The following DPP10 variants were observed in gnomAD, a reference collection of about 807,000 sequenced individuals.
The protein encoded by DPP10 is dipeptidyl peptidase like 10.
A neutral mutation model predicts 120.9 loss-of-function variants in DPP10; 33 were observed. The observed-to-expected ratio is 0.27, with a 90% CI of 0.21 to 0.37. The LOEUF (loss-of-function observed/expected upper bound fraction) is 0.37. DPP10 is among the 10% of genes least tolerant of loss of function. The pLI is 1.00. For missense variants in DPP10, 816 were observed against 942.8 expected, an observed-to-expected ratio of 0.87 and a Z score of 1.76; for synonymous variants, 337 against 326.1, an observed-to-expected ratio of 1.03 and a Z score of -0.36.
chr2:115,640,596 A>G (rs954987039), intron 5 of DPP10, among the ~76,000 whole-genome samples: 3 of 152,140 alleles, frequency 2.0e-5, no homozygotes, highest in Non-Finnish European at 4.4e-5. Context: ...AAGTTATTTA[A>G]TGGTTTTATG....
At chr2:115,500,279 A>G (rs1291948338) in intron 4 of DPP10, among the ~76,000 whole-genome samples, 3 of 151,970 alleles carry the variant, frequency 2.0e-5, no homozygotes, top group Non-Finnish European at 4.4e-5. Context: ...CCCAACACCA[A>G]CGAAAAATAG....
intron 1 of DPP10, among the ~76,000 whole-genome samples, chr2:114,867,868 A>G (rs911670069): frequency 2.0e-5 from 3 of 152,240 alleles, no homozygotes; most frequent in African/African-American, 7.2e-5. Flanking sequence ...GAGTCTTCAC[A>G]TCTGACACTC....
At chr2:115,263,075 G>T (rs1255064482) in intron 1 of DPP10, among the ~76,000 whole-genome samples, 2 of 152,136 alleles carry the variant, frequency 1.3e-5, no homozygotes, top group Non-Finnish European at 2.9e-5. Flanking sequence ...CCGTGTCCAA[G>T]AGCAAGTCAT....
At chr2:115,832,592 A>G (rs1297106566) in intron 21 of DPP10, among the ~76,000 whole-genome samples, 1 of 152,234 alleles carries the variant, frequency 6.6e-6, no homozygotes, top group Non-Finnish European at 1.5e-5. Flanking sequence ...ATAGAATTTT[A>G]TTCAACAGCT....
intron 2 of DPP10, among the ~76,000 whole-genome samples, chr2:115,329,603 C>G (rs935432969): frequency 1.5e-4 from 23 of 152,102 alleles, no homozygotes. Flanking sequence ...TACCCAATGA[C>G]AGGCCCTGGT....
rs376656691 is a variant in DPP10 at position 115,614,702 on chromosome 2, G to A, written c.442-74985G>A. ...GGCCAGGCGTAAGCAACCGTGCCAG[G>A]CTAGGGGGAGGAATTCTAACTTGGC... On this transcript the variant is annotated intron_variant, in intron 5 of 25. Transcript: ENST00000410059. Among the ~76,000 whole-genome samples, 8 of 152,290 alleles carry A rather than the reference G, an allele frequency of 5.3e-5. No homozygotes were observed. In the South Asian group the frequency reaches 8.3e-4, roughly 16 times the overall value.
chr2:115,194,146 A>G (rs901725617), intron 1 of DPP10, among the ~76,000 whole-genome samples: 5 of 151,906 alleles, frequency 3.3e-5, no homozygotes, highest in Admixed American at 1.3e-4. Flanking sequence ...TTATTTTTCT[A>G]CTTTCTTCTG....
intron 5 of DPP10, among the ~76,000 whole-genome samples, chr2:115,675,283 C>T (rs374789513): frequency 4.3e-4 from 66 of 152,106 alleles, no homozygotes; most frequent in South Asian, 1.9e-3. Flanking sequence ...ACGAATATGA[C>T]GAGCAACATA....
At chr2:115,134,640 G>A (rs970074533) in intron 1 of DPP10, among the ~76,000 whole-genome samples, 4 of 151,996 alleles carry the variant, frequency 2.6e-5, no homozygotes, top group Non-Finnish European at 2.9e-5. Flanking sequence ...GTACAGTGAC[G>A]CAAATAGGGC....
At chr2:114,577,762 C>T (rs558480596) in intron 1 of DPP10, among the ~76,000 whole-genome samples, 1 of 152,214 alleles carries the variant, frequency 6.6e-6, no homozygotes, top group African/African-American at 2.4e-5. Context: ...GAGAAGGAGC[C>T]TGTTCCATGC....
At chr2:114,739,283 C>A (rs1204377505) in intron 1 of DPP10, among the ~76,000 whole-genome samples, 2 of 152,120 alleles carry the variant, frequency 1.3e-5, no homozygotes, top group Admixed American at 6.6e-5. Context: ...CTCTTAGGAA[C>A]AAGGCAAGCC....
intron 5 of DPP10, among the ~76,000 whole-genome samples, chr2:115,582,695 T>A (rs555742826): frequency 2.8e-4 from 42 of 152,206 alleles, no homozygotes; most frequent in Non-Finnish European, 5.4e-4. Flanking sequence ...TCATCACATC[T>A]CTTAAGAGCA....
chr2:115,761,291 G>A (rs1421014613), intron 11 of DPP10, among the ~76,000 whole-genome samples: 3 of 151,992 alleles, frequency 2.0e-5, no homozygotes, highest in African/African-American at 7.3e-5. Flanking sequence ...TACATATATT[G>A]TAGTTAGAGA....
chr2:114,691,274 AG>A (rs1165879489), intron 1 of DPP10, among the ~76,000 whole-genome samples: 11 of 152,084 alleles, frequency 7.2e-5, no homozygotes, highest in Admixed American at 7.2e-4. Context: ...TTAAACATAA[AG>A]GGATGTTGAA....
At position 114,721,817 on chromosome 2, in the gene DPP10, T is replaced by G. The variant is rs1701721133; in HGVS notation, c.60+278979T>G. On this transcript the variant is annotated intron_variant, in intron 1 of 25. Coordinates refer to ENST00000410059, the MANE Select transcript of DPP10 (RefSeq NM_020868.6). ...TCACAGGTTAGAAAATAATAGCTGGTTGGTGAGAATATTTAATGGTTTGCA... is the reference window on the plus strand; with the variant it reads ...TCACAGGTTAGAAAATAATAGCTGGGTGGTGAGAATATTTAATGGTTTGCA... Among the ~76,000 whole-genome samples the G allele has an allele frequency of 2.0e-5, 3 of 152,140 alleles. No homozygotes were observed. The South Asian group carries it at 6.2e-4, about 32-fold the overall frequency.
At chr2:115,307,412 A>G (rs2061401780) in intron 1 of DPP10, among the ~76,000 whole-genome samples, 1 of 152,146 alleles carries the variant, frequency 6.6e-6, no homozygotes, top group African/African-American at 2.4e-5. Context: ...TTGAAAAGTC[A>G]GTTATAATTG....
chr2:115,234,083 G>T, intron 1 of DPP10: 2 of 370,178 alleles, frequency 5.4e-6, no homozygotes, highest in South Asian at 2.1e-5. Flanking sequence ...TGAAGAAGTG[G>T]TTGTATTCCC....
chr2:114,791,453 G>T lies in DPP10; in HGVS notation c.60+348615G>T, dbSNP rs10188948. 2.0e-5 allele frequency among the ~76,000 whole-genome samples: 3 copies of T among 152,148 alleles called. No individual in the cohort carries two copies. The South Asian group carries it at 6.2e-4, about 32-fold the overall frequency. ...TGCCTGTCTCACTCAGGAGCTGCTG[G>T]GTGTGGAAAATGAAGAGAGGAAGTA... On this transcript the variant is annotated intron_variant, in intron 1 of 25. Transcript: ENST00000410059.
rs80350658 is a variant in DPP10, at chr2:114,505,310, A to T, written c.60+62472A>T. On this transcript the variant is annotated intron_variant, in intron 1 of 25. Transcript: ENST00000410059. ...TAAATTGTAGGGAAGTAACTAACAGATATATTGGGGAAAACTAGTAGAAGA... is the reference window on the plus strand; with the variant it reads ...TAAATTGTAGGGAAGTAACTAACAGTTATATTGGGGAAAACTAGTAGAAGA... Among the ~76,000 whole-genome samples, 41 of 152,208 alleles carry T rather than the reference A, an allele frequency of 2.7e-4. No homozygotes were observed. In the East Asian group the frequency reaches 6.6e-3, roughly 24 times the overall value.
Sources: allele counts gnomAD v4.1 joint callset (sites outside exome capture counted in the v4.1 genomes callset), GRCh38; gene constraint gnomAD v4.1.1; transcripts MANE v1.5; gene names NCBI Gene and HGNC (gene_info 2026-07-23, HGNC 2026-07-21).